Variants in ADAMTS6 observed in about 807,000 individuals in gnomAD.
ADAMTS6 encodes A disintegrin and metalloproteinase with thrombospondin motifs 6.
A neutral mutation model predicts 144.3 loss-of-function variants in ADAMTS6; 23 were observed. The ratio of observed to expected loss-of-function variants is 0.16; its 90% CI spans 0.11 to 0.23. The LOEUF (loss-of-function observed/expected upper bound fraction) is 0.23, where lower values mean the gene tolerates loss of function less well. Ranked by LOEUF, ADAMTS6 falls within the 10% of genes least tolerant of loss-of-function variation. The pLI is 1.00. For synonymous variants in ADAMTS6, 444 were observed against 457.5 expected, an observed-to-expected ratio of 0.97 and a Z score of 0.38; for missense variants, 999 against 1,379.6, an observed-to-expected ratio of 0.72 and a Z score of 4.37.
intron 7 of ADAMTS6, among the ~76,000 whole-genome samples, chr5:65,424,589 T>C (rs1756346901): frequency 6.6e-6 from 1 of 152,168 alleles, no homozygotes; most frequent in Admixed American, 6.5e-5. Context: ...CATTTCAGAT[T>C]AAAGCTCTGA....
chr5:65,318,066 C>G (rs1194569688), intron 9 of ADAMTS6, among the ~76,000 whole-genome samples: 1 of 135,628 alleles, frequency 7.4e-6, no homozygotes, highest in East Asian at 2.1e-4. Context: ...CAGAGCAAGA[C>G]TCCATCTCAA....
rs137966741 is a variant in ADAMTS6, at chr5:65,272,285, T to C, written c.1620+1055A>G. On this transcript the variant is annotated intron_variant, in intron 12 of 24. Transcript: ENST00000381055. ...ATAAATTCTAGAATTTAAATTTACA[T>C]AAATAGCAATTCCTATAAAATTTTA... 2.8e-3 allele frequency among the ~76,000 whole-genome samples: 420 copies of C among 152,332 alleles called. 3 individuals carry two copies. The highest frequency in any genetic ancestry group is 9.8e-3 in the African/African-American group (408 of 41,582).
intron 15 of ADAMTS6, 77 bp downstream of exon 15, chr5:65,242,027 G>GTGT: frequency 9.1e-6 from 9 of 984,932 alleles, no homozygotes; most frequent in Non-Finnish European, 1.3e-5. Flanking sequence ...ATGTATGCAT[G>GTGT]TGTTTGTATA....
In ADAMTS6 at chr5:65,291,421, G is replaced by A. The variant is rs537817586; in HGVS notation, c.1420C>T (p.Leu474Phe). The A allele has an allele frequency of 6.2e-7, 1 of 1,613,906 alleles. No individual in the cohort carries two copies. The highest frequency in any genetic ancestry group is 8.5e-7 in the Non-Finnish European group (1 of 1,179,940). ...TGACCTGGGGCCACAGCTGGATAAA[G>A]AAAGTCACGCTTGGGAGGCTCATTA... is the stretch of plus-strand genomic sequence containing the variant. ...LDNEPPKRDF[L>F]YPAVAPGQVY... Residue 474 changes from leucine (L) to phenylalanine (F), a missense_variant, in exon 11 of 25, where the codon CTT becomes TTT. Physicochemically the swap from Leu to Phe is conservative, Grantham distance 22. This residue lies in a region of ADAMTS6 where 619 missense variants were observed against 837.0 expected (regional missense o/e 0.74). Transcript: ENST00000381055.
intron 10 of ADAMTS6, among the ~76,000 whole-genome samples, chr5:65,292,454 G>A (rs1742414053): frequency 6.7e-6 from 1 of 148,602 alleles, no homozygotes; most frequent in Non-Finnish European, 1.5e-5. Flanking sequence ...ACAAGTAGAA[G>A]TTCCTCAACT....
intron 7 of ADAMTS6, among the ~76,000 whole-genome samples, chr5:65,407,468 C>T (rs1754635098): frequency 6.6e-6 from 1 of 150,890 alleles, no homozygotes; most frequent in Non-Finnish European, 1.5e-5. Context: ...AGGTATATCT[C>T]CTAATGCTAT....
chr5:65,269,462 T>C (rs1312414832), intron 12 of ADAMTS6, among the ~76,000 whole-genome samples: 2 of 152,158 alleles, frequency 1.3e-5, no homozygotes, highest in East Asian at 1.9e-4. Flanking sequence ...AAATACACTG[T>C]CACCACCTAG....
chr5:65,340,644 T>A (rs1285438011), intron 7 of ADAMTS6, among the ~76,000 whole-genome samples: 1 of 151,604 alleles, frequency 6.6e-6, no homozygotes, highest in African/African-American at 2.4e-5. Context: ...TGGATTAAAT[T>A]CCCCATTGAA....
At chr5:65,409,577 G>A (rs1580637775) in intron 7 of ADAMTS6, among the ~76,000 whole-genome samples, 1 of 152,150 alleles carries the variant, frequency 6.6e-6, no homozygotes, top group African/African-American at 2.4e-5. Flanking sequence ...GTACAAGGAG[G>A]AGTTGGTACC....
Position 65,161,308 on chromosome 5 carries a change from G to C in ADAMTS6, c.3244+9309C>G, listed in dbSNP as rs868088420. 2.6e-5 allele frequency among the ~76,000 whole-genome samples: 4 copies of C among 151,994 alleles called. No individual in the cohort carries two copies. In the South Asian group the frequency reaches 6.2e-4, roughly 24 times the overall value. On this transcript the variant is annotated intron_variant, in intron 24 of 24. Transcript: ENST00000381055. The stretch of plus-strand genomic sequence containing the variant: ...TCCCCTTGGCCTCCCAAAATGTTGA[G>C]ATTGCAGGCGTGAGCCACCGTGCCC...
chr5:65,346,947 A>G (rs76901977), intron 7 of ADAMTS6, among the ~76,000 whole-genome samples: 2,506 of 151,320 alleles, frequency 0.017, 28 homozygotes, highest in Middle Eastern at 0.041. Flanking sequence ...CCCATTTACA[A>G]TACCATTAAA....
intron 24 of ADAMTS6, among the ~76,000 whole-genome samples, chr5:65,153,484 G>A (rs1012486955): frequency 2.0e-5 from 3 of 152,202 alleles, no homozygotes; most frequent in Non-Finnish European, 4.4e-5. Context: ...AAGACTACAC[G>A]TGTATCCTTA....
intron 7 of ADAMTS6, among the ~76,000 whole-genome samples, chr5:65,398,781 CA>C (rs1753589324): frequency 9.4e-6 from 1 of 106,904 alleles, no homozygotes; most frequent in Non-Finnish European, 1.9e-5. Context: ...GAAGAGAGAG[CA>C]AGAAAGAAAG....
rs1373457587 is a variant in ADAMTS6, at chr5:65,215,408, C to G, written c.2352G>C (p.Gly784=). ...IDWPRKFDVA[G]TAFHYKRPTD... ...TTGGTCTCTTGTAATGAAAAGCTGT[C>G]CCAGCAACATCAAATTTCCTAGGCC... is the stretch of plus-strand genomic sequence containing the variant. Residue 784 remains glycine, a synonymous_variant, in exon 19 of 25, where the codon GGG becomes GGC. Coordinates refer to ENST00000381055, the MANE Select transcript of ADAMTS6 (RefSeq NM_197941.4). 3.1e-6 allele frequency: 5 copies of G among 1,613,864 alleles called. No individual in the cohort carries two copies. The highest frequency in any genetic ancestry group is 3.3e-5 in the Admixed American group (2 of 59,990).
chr5:65,454,363 C>A (rs902955361), intron 4 of ADAMTS6, among the ~76,000 whole-genome samples: 18 of 152,194 alleles, frequency 1.2e-4, no homozygotes, highest in Non-Finnish European at 1.8e-4. Flanking sequence ...GTTAAATACT[C>A]CTGAAACTTC....
chr5:65,339,042 G>A (rs1176863306), intron 7 of ADAMTS6, among the ~76,000 whole-genome samples: 1 of 152,126 alleles, frequency 6.6e-6, no homozygotes, highest in Non-Finnish European at 1.5e-5. Context: ...GGCTGTCTAA[G>A]TAACTGCATG....
chr5:65,212,130 G>A (rs1756573205), intron 20 of ADAMTS6, among the ~76,000 whole-genome samples: 1 of 152,150 alleles, frequency 6.6e-6, no homozygotes, highest in Non-Finnish European at 1.5e-5. Flanking sequence ...GGTCTGTAAT[G>A]GGGTGCTCAA....
chr5:65,370,569 G>C (rs1750779347), intron 7 of ADAMTS6, among the ~76,000 whole-genome samples: 1 of 152,146 alleles, frequency 6.6e-6, no homozygotes, highest in Admixed American at 6.5e-5. Flanking sequence ...TTTTCCGACG[G>C]GCTTAAAAAA....
chr5:65,378,825 T>C (rs981206338), intron 7 of ADAMTS6, among the ~76,000 whole-genome samples: 1 of 152,144 alleles, frequency 6.6e-6, no homozygotes. Context: ...TATAAACTCT[T>C]GAAGACAAAG....
Sources: allele counts gnomAD v4.1 joint callset (sites outside exome capture counted in the v4.1 genomes callset), GRCh38; gene constraint gnomAD v4.1.1; regional missense constraint gnomAD v4.1.1; transcripts MANE v1.5; gene names NCBI Gene and HGNC (gene_info 2026-07-23, HGNC 2026-07-21).